Variants in PRDM8 observed in about 807,000 individuals in gnomAD.
PRDM8 encodes the protein PR/SET domain 8.
Under a neutral mutation model 46.5 loss-of-function variants are expected in PRDM8, and 13 were observed. The observed-to-expected ratio is 0.28, with a 90% CI of 0.18 to 0.44. The LOEUF is 0.44. PRDM8 is among the 20% of genes least tolerant of loss of function. The probability of loss-of-function intolerance (pLI) is 1.00; values close to 1 mark genes in which losing one functional copy is unlikely to be tolerated. For synonymous variants in PRDM8, 473 were observed against 438.4 expected (o/e 1.08, Z -0.98); for missense variants, 998 against 955.0 (o/e 1.04, Z -0.59).
intron 1 of PRDM8, among the ~76,000 whole-genome samples, chr4:80,186,992 G>A (rs888558147): frequency 3.3e-5 from 5 of 152,128 alleles, no homozygotes; most frequent in African/African-American, 1.2e-4. Flanking sequence ...AATACTTTAT[G>A]GAAAAGGACT....
At chr4:80,196,154 A>T, upstream of PRDM8, 3 of 934,612 alleles carry the variant, frequency 3.2e-6, no homozygotes, top group Non-Finnish European at 3.8e-6. Context: ...CTCCCCAAAT[A>T]CATTATTTCA....
upstream of PRDM8, chr4:80,194,099 A>T: frequency 3.2e-6 from 1 of 313,180 alleles, no homozygotes; most frequent in Non-Finnish European, 4.6e-6. Context: ...CCCTTTCTCC[A>T]CCCTCTCACT....
At chr4:80,197,127 C>T (rs1400338755), upstream of PRDM8, 14 of 985,340 alleles carry the variant, frequency 1.4e-5, no homozygotes, top group Admixed American at 6.1e-5. Context: ...GAAATACGCA[C>T]GGGGTCCGCA....
chr4:80,191,936 A>G (rs962125520), intron 2 of PRDM8, among the ~76,000 whole-genome samples: 3 of 152,236 alleles, frequency 2.0e-5, no homozygotes, highest in Admixed American at 6.5e-5. Context: ...TCTTTAATAC[A>G]AGGTAAATCA....
rs1485854185 is a variant in PRDM8, at chr4:80,203,875, T to A, written c.*343T>A. On this transcript the variant is annotated 3_prime_UTR_variant, in exon 4 of 4. Coordinates refer to ENST00000415738, the MANE Select transcript of PRDM8 (RefSeq NM_001099403.2). ...TTTCCCCAAAACAAAGGTACATTTT[T>A]TAAAATGTCATATATTGCAACATAT... is the stretch of plus-strand genomic sequence containing the variant. The A allele has an allele frequency of 5.1e-6, 1 of 195,740 alleles. No individual in the cohort carries two copies. The highest frequency in any genetic ancestry group is 2.3e-5 in the African/African-American group (1 of 42,648). 12.1% of individuals were successfully genotyped at this position (195,740 alleles called of 1,614,324 possible). A position where few individuals can be genotyped will look rare whatever the true frequency, so the allele number is the denominator to read the frequency against.
At chr4:80,197,495 T>C, upstream of PRDM8, 3 of 985,958 alleles carry the variant, frequency 3.0e-6, no homozygotes, top group Non-Finnish European at 3.6e-6. Flanking sequence ...TGTGTCTGCG[T>C]GCCAGTCAGT....
chr4:80,187,396 T>C lies in PRDM8; in HGVS notation c.-983+1878T>C, dbSNP rs534387410. Among the ~76,000 whole-genome samples, 59 of 152,158 alleles carry C rather than the reference T, an allele frequency of 3.9e-4. 1 individual carries two copies. Among genetic ancestry groups the C allele is most frequent in the Admixed American group, 8.5e-4 (13 of 15,294 alleles). On this transcript the variant is annotated intron_variant, in intron 1 of 9. Transcript: ENST00000339711. Reference sequence around the variant, plus strand: ...GAATGCTAAGAGCTCCCATTTGAAGTCAGAGGATGATACTGGTATTGAAGG... The same window carrying C: ...GAATGCTAAGAGCTCCCATTTGAAGCCAGAGGATGATACTGGTATTGAAGG...
At chr4:80,200,775 A>G (rs989839258) in intron 2 of PRDM8, among the ~76,000 whole-genome samples, 6 of 152,262 alleles carry the variant, frequency 3.9e-5, no homozygotes, top group African/African-American at 1.4e-4. Flanking sequence ...TTTTGACAGT[A>G]AAGCATCATC....
At chr4:80,192,651 A>G (rs1737640722), upstream of PRDM8, among the ~76,000 whole-genome samples, 1 of 152,190 alleles carries the variant, frequency 6.6e-6, no homozygotes, top group South Asian at 2.1e-4. Flanking sequence ...GAACCTACAG[A>G]TTTGACAAAA....
At chr4:80,198,528 C>G (rs1183979634) in intron 1 of PRDM8, among the ~76,000 whole-genome samples, 1 of 151,882 alleles carries the variant, frequency 6.6e-6, no homozygotes, top group African/African-American at 2.4e-5. Flanking sequence ...TAAAAATGAC[C>G]AGGGATAGAT....
intron 2 of PRDM8, among the ~76,000 whole-genome samples, chr4:80,191,997 C>G (rs1320961895): frequency 2.6e-5 from 4 of 152,188 alleles, no homozygotes; most frequent in Non-Finnish European, 4.4e-5. Context: ...CTCTTTGTCT[C>G]TCTCTTTCTT....
At position 80,204,118 on chromosome 4, in the gene PRDM8, G is replaced by A. The variant is rs1309038925; in HGVS notation, c.*586G>A. On this transcript the variant is annotated 3_prime_UTR_variant, in exon 4 of 4. Transcript: ENST00000415738. ...TTTGAGTTTCCAGGGGGAAGTGCAT[G>A]TATAATGAAATGATAATGGACTTCA... 1 of 152,670 alleles carries A rather than the reference G, an allele frequency of 6.6e-6. No homozygotes were observed. Among genetic ancestry groups the A allele is most frequent in the African/African-American group, 2.4e-5 (1 of 41,426 alleles). The allele number at this position is 152,670 out of a possible 1,614,324, so 9.5% of individuals were successfully genotyped here. A position where few individuals can be genotyped will look rare whatever the true frequency, so the allele number is the denominator to read the frequency against.
chr4:80,188,116 C>T (rs1737264209), intron 1 of PRDM8, among the ~76,000 whole-genome samples: 1 of 152,188 alleles, frequency 6.6e-6, no homozygotes, highest in African/African-American at 2.4e-5. Flanking sequence ...TCCAACTCTC[C>T]AGTCACTACC....
chr4:80,197,401 C>A, upstream of PRDM8: 1 of 978,258 alleles, frequency 1.0e-6, no homozygotes, highest in Non-Finnish European at 1.2e-6. Flanking sequence ...CCGGAGGGAG[C>A]GCCTGGCCCA....
At chr4:80,196,473 G>A (rs912659264), upstream of PRDM8, 28 of 985,344 alleles carry the variant, frequency 2.8e-5, no homozygotes, top group Non-Finnish European at 1.7e-5. Flanking sequence ...ATCAGCTGCT[G>A]CACTAAAGGG....
intron 3 of PRDM8, 89 bp downstream of exon 3, chr4:80,201,610 G>C: frequency 7.5e-7 from 1 of 1,326,134 alleles, no homozygotes; most frequent in Non-Finnish European, 1.1e-6. Flanking sequence ...GCGTTGGCGC[G>C]CCTTTCTTCC....
At position 80,198,980 on chromosome 4, in the gene PRDM8, G is replaced by GT. The variant is rs1413112507; in HGVS notation, c.-2-1086dup. Among the ~76,000 whole-genome samples, 376 of 104,148 alleles carry GT rather than the reference G, an allele frequency of 3.6e-3. 6 individuals carry two copies. The highest frequency in any genetic ancestry group is 5.0e-3 in the African/African-American group (145 of 28,776). The allele number at this position is 104,148 out of a possible 152,430, so 68.3% of individuals were successfully genotyped here. ...AATTTAAATACCTGGGTTTTTTTGGGTTTTTTTTTTTTTGTTTTTTTTTTT... is the reference window on the plus strand; with the variant it reads ...AATTTAAATACCTGGGTTTTTTTGGGTTTTTTTTTTTTTTGTTTTTTTTTTT... On this transcript the variant is annotated intron_variant, in intron 1 of 3. Transcript: ENST00000415738.
chr4:80,198,979 GGTTTTTTTTTTTTT>G (rs1223565687), intron 1 of PRDM8, among the ~76,000 whole-genome samples: 1,941 of 113,060 alleles, frequency 0.017, 42 homozygotes, highest in African/African-American at 0.057. Context: ...GGTTTTTTTG[GGTTTTTTTTTTTTT>G]GTTTTTTTTT....
At chr4:80,185,951 G>A (rs926271911) in intron 1 of PRDM8, among the ~76,000 whole-genome samples, 2 of 152,212 alleles carry the variant, frequency 1.3e-5, no homozygotes, top group Admixed American at 1.3e-4. Context: ...GCTGCTGCAT[G>A]GGTGGGCGCT....
Sources: gnomAD v4.1 joint callset for allele counts (sites outside exome capture counted in the v4.1 genomes callset) on GRCh38, gnomAD v4.1.1 for gene constraint, MANE v1.5 for transcripts, NCBI Gene and HGNC (gene_info 2026-07-23, HGNC 2026-07-21) for gene names.